ANKRD16: variants seen among roughly 807,000 people sequenced by gnomAD.
ANKRD16 encodes the protein ankyrin repeat domain-containing protein 16.
Under a neutral mutation model 37.9 loss-of-function variants are expected in ANKRD16, and 35 were observed. That is an observed-to-expected ratio of 0.92 (90% CI 0.71 to 1.23). The LOEUF is 1.23. Ranked by LOEUF, ANKRD16 falls within the 50% of genes most tolerant of loss-of-function variation. The pLI, the probability that ANKRD16 is intolerant of heterozygous loss-of-function variation, is 0.00. For missense variants in ANKRD16, 480 were observed against 469.9 expected (o/e 1.02, Z -0.20); for synonymous variants, 206 against 197.2 (o/e 1.04, Z -0.37).
At position 5,880,377 on chromosome 10, in the gene ANKRD16, C is replaced by A; in HGVS notation, c.850-1G>T. The stretch of plus-strand genomic sequence containing the variant: ...TCTGAATTGTACTTGTATGTCCTTC[C>A]TGAATTGAAACAAATTTGTTATCAC... On this transcript the variant is annotated splice_acceptor_variant, in intron 5 of 7. Transcript: ENST00000380094. LOFTEE classifies it high-confidence loss of function. The A allele has an allele frequency of 6.3e-7, 1 of 1,587,950 alleles. No homozygotes were observed. Among genetic ancestry groups the A allele is most frequent in the Admixed American group, 1.8e-5 (1 of 55,262 alleles).
At chr10:5,885,648 T>C in intron 3 of ANKRD16, 75 bp downstream of exon 3, 1 of 1,523,476 alleles carries the variant, frequency 6.6e-7, no homozygotes, top group Non-Finnish European at 9.0e-7. Context: ...GTGTCTGAGC[T>C]CTTTATGTAG....
chr10:5,873,069 G>A (rs1276874608), intron 7 of ANKRD16, among the ~76,000 whole-genome samples: 9 of 136,070 alleles, frequency 6.6e-5, no homozygotes, highest in African/African-American at 2.0e-4. Context: ...TTGCTCTGTC[G>A]CCCAGGCTGG....
rs1201745925 is a variant in ANKRD16 at position 5,889,126 on chromosome 10, C to G, written c.229G>C (p.Glu77Gln). 17 of 1,597,422 alleles carry G rather than the reference C, an allele frequency of 1.1e-5. No individual in the cohort carries two copies. In the East Asian group the frequency reaches 3.8e-4, roughly 36 times the overall value. The change falls in exon 1 of 8, where the codon GAG becomes CAG. Residue 77 changes from glutamate to glutamine, a missense_variant. Glu to Gln is a conservative substitution (Grantham distance 29). Transcript: ENST00000380094. ...TNRDYKRPLHEAASMGHRDCV... is the reference protein window; with the variant it reads ...TNRDYKRPLHQAASMGHRDCV... The stretch of plus-strand genomic sequence containing the variant: ...TCTCGGTGGCCCATGGAGGCCGCCT[C>G]GTGCAGAGGCCGCTTGTAGTCTCGG...
rs569701248 is a variant in ANKRD16, at chr10:5,882,063, G to A, written c.849+943C>T. On this transcript the variant is annotated intron_variant, in intron 5 of 7. Transcript: ENST00000380094. ...TGGGATTACAGGAGTGAGCCACTGC[G>A]CCTGGCCTATAAAATAATTTATACA... Among the ~76,000 whole-genome samples the A allele has an allele frequency of 9.2e-5, 14 of 152,108 alleles. No individual in the cohort carries two copies. The South Asian group carries it at 1.2e-3, about 14-fold the overall frequency.
chr10:5,872,430 G>C (rs1028705046), intron 7 of ANKRD16, among the ~76,000 whole-genome samples: 1 of 152,106 alleles, frequency 6.6e-6, no homozygotes, highest in Admixed American at 6.5e-5. Flanking sequence ...AGTGAGCCGA[G>C]ATTACGCCAC....
rs776224123 is a variant in ANKRD16, at chr10:5,889,169, C to T, written c.186G>A (p.Met62Ile). The change falls in exon 1 of 8, where the codon ATG becomes ATA. Residue 62 changes from methionine to isoleucine, a missense_variant. Coordinates refer to ENST00000380094, the MANE Select transcript of ANKRD16 (RefSeq NM_019046.3). ...AGTCTCGGTTGGTGGCCTCGATGTC[C>T]ATGCCCCAGGCCTCGGCCAGATAGG... ...VLAYLAEAWG[M>I]DIEATNRDYK... is the part of the protein sequence containing the mutation. The T allele has an allele frequency of 1.4e-5, 22 of 1,598,514 alleles. 1 individual carries two copies. Among genetic ancestry groups the T allele is most frequent in the Middle Eastern group, 1.7e-4 (1 of 6,038 alleles).
At chr10:5,876,972 T>C (rs2131765741) in intron 7 of ANKRD16, among the ~76,000 whole-genome samples, 1 of 152,358 alleles carries the variant, frequency 6.6e-6, no homozygotes, top group East Asian at 1.9e-4. Context: ...TTTTTAAAGC[T>C]AAATGTCAAG....
Position 5,869,253 on chromosome 10 carries a change from A to T in ANKRD16, c.*34-6562T>A, listed in dbSNP as rs889995069. 6.6e-6 allele frequency among the ~76,000 whole-genome samples: 1 copy of T among 152,168 alleles called. No individual in the cohort carries two copies. The highest frequency in any genetic ancestry group is 2.4e-5 in the African/African-American group (1 of 41,422). On this transcript the variant is annotated intron_variant, in intron 7 of 7. Transcript: ENST00000380094. This position sits in a 1 kb window ranked among gnomAD's most constrained non-coding sequence, Gnocchi z 4.0. The stretch of plus-strand genomic sequence containing the variant: ...GTGGTGATAGTTTCCTGGGAGCACA[A>T]ATATGTCTGAATTAATCAAACTGTA...
At position 5,878,291 on chromosome 10, in the gene ANKRD16, A is replaced by G; in HGVS notation, c.929-4T>C. ...CCTGCACAGGCCAGATGCAGGGCTG[A>G]GGGGTGACAAAAATCACATGGACTT... On this transcript the variant is annotated splice_polypyrimidine_tract_variant and splice_region_variant and intron_variant, in intron 6 of 7. Coordinates refer to ENST00000380094, the MANE Select transcript of ANKRD16 (RefSeq NM_019046.3). The surrounding 1 kb of genome is among the most constrained non-coding windows in gnomAD (Gnocchi z 5.1). 1.2e-6 allele frequency: 2 copies of G among 1,611,172 alleles called. No homozygotes were observed. Among genetic ancestry groups the G allele is most frequent in the Non-Finnish European group, 8.5e-7 (1 of 1,178,710 alleles).
Position 5,887,849 on chromosome 10 carries a change from G to A in ANKRD16, c.533C>T (p.Ala178Val). Reference sequence around the variant, plus strand: ...ACCTGCAGAGCTGTAGGCTGTACCTGCAGTATGCAGAGGAGTCCTTCTAAT... The same window carrying A: ...ACCTGCAGAGCTGTAGGCTGTACCTACAGTATGCAGAGGAGTCCTTCTAAT... ...SKIRRTPLHT[A>V]AMHGHLEAVK... Residue 178 changes from alanine (A) to valine (V), a missense_variant and splice_region_variant, in exon 2 of 8, where the codon GCA (alanine) becomes GTA (valine). Ala to Val is a moderately conservative substitution (Grantham distance 64). Transcript: ENST00000380094. The A allele has an allele frequency of 2.5e-6, 4 of 1,612,746 alleles. No homozygotes were observed. Among genetic ancestry groups the A allele is most frequent in the Non-Finnish European group, 2.5e-6 (3 of 1,179,668 alleles).
intron 5 of ANKRD16, among the ~76,000 whole-genome samples, chr10:5,880,762 T>C (rs1402610200): frequency 2.0e-5 from 3 of 152,216 alleles, no homozygotes; most frequent in African/African-American, 7.2e-5. Flanking sequence ...TGTAGCTATC[T>C]GCTTAGGAAC....
At chr10:5,872,233 CT>C (rs1842101430) in intron 7 of ANKRD16, among the ~76,000 whole-genome samples, 1 of 152,130 alleles carries the variant, frequency 6.6e-6, no homozygotes, top group Non-Finnish European at 1.5e-5. Context: ...AAACCTAGCA[CT>C]TTGGGAGGCT....
chr10:5,881,474 ATATATAT>A (rs1842314948), intron 5 of ANKRD16, among the ~76,000 whole-genome samples: 1 of 94,270 alleles, frequency 1.1e-5, no homozygotes, highest in Non-Finnish European at 2.2e-5. Context: ...ATATATATAT[ATATATAT>A]TTGAGATGTA....
chr10:5,872,315 C>A, intron 7 of ANKRD16, among the ~76,000 whole-genome samples: 1 of 151,832 alleles, frequency 6.6e-6, no homozygotes, highest in Non-Finnish European at 1.5e-5. Context: ...CCTGTCTCTA[C>A]TAAAAATACA....
In ANKRD16 at chr10:5,878,165, C is replaced by T. The variant is rs1842214335; in HGVS notation, c.1051G>A (p.Val351Ile). ...LAQQLPRRAD[V>I]LQGSGHSAMT ...GCGCTATGGCCAGAGCCCTGAAGGA[C>T]ATCTGCTCTCCTTGGGAGCTGCTGA... Residue 351 changes from valine (V) to isoleucine (I), a missense_variant, in exon 7 of 8, where the codon GTC (valine) becomes ATC (isoleucine). Transcript: ENST00000380094. This position sits in a 1 kb window ranked among gnomAD's most constrained non-coding sequence, Gnocchi z 5.1. 1 of 1,614,176 alleles carries T rather than the reference C, an allele frequency of 6.2e-7. No individual in the cohort carries two copies. The highest frequency in any genetic ancestry group is 8.5e-7 in the Non-Finnish European group (1 of 1,180,012).
chr10:5,880,397 T>C lies in ANKRD16; in HGVS notation c.850-21A>G, dbSNP rs369759752. On this transcript the variant is annotated intron_variant, in intron 5 of 7. Transcript: ENST00000380094. ...CCTTCCTGAATTGAAACAAATTTGT[T>C]ATCACTGTGATGAGGATAAAAGAAA... 2.9e-5 allele frequency: 44 copies of C among 1,515,808 alleles called. No individual in the cohort carries two copies. The African/African-American group carries it at 5.4e-4, about 19-fold the overall frequency. The allele number at this position is 1,515,808 out of a possible 1,614,324, so 93.9% of individuals were successfully genotyped here.
Position 5,871,934 on chromosome 10 carries a change from C to G in ANKRD16, c.*33+6163G>C. On this transcript the variant is annotated intron_variant, in intron 7 of 7. Coordinates refer to ENST00000380094, the MANE Select transcript of ANKRD16 (RefSeq NM_019046.3). This position sits in a 1 kb window ranked among gnomAD's most constrained non-coding sequence, Gnocchi z 4.5. ...GAGTTGCTCAGGCCCCTGTGCAGCCCATATCTCCCACCCACTCGCATGGCC... is the reference window on the plus strand; with the variant it reads ...GAGTTGCTCAGGCCCCTGTGCAGCCGATATCTCCCACCCACTCGCATGGCC... Among the ~76,000 whole-genome samples the G allele has an allele frequency of 6.6e-6, 1 of 152,162 alleles. No individual in the cohort carries two copies.
In ANKRD16 at chr10:5,878,249, C is replaced by A. The variant is rs193233924; in HGVS notation, c.967G>T (p.Ala323Ser). Residue 323 changes from alanine (A) to serine (S), a missense_variant, in exon 7 of 8, where the codon GCC becomes TCC. Physicochemically the swap from Ala to Ser is moderately conservative, Grantham distance 99. Coordinates refer to ENST00000380094, the MANE Select transcript of ANKRD16 (RefSeq NM_019046.3). This position sits in a 1 kb window ranked among gnomAD's most constrained non-coding sequence, Gnocchi z 5.1. The stretch of plus-strand genomic sequence containing the variant: ...AGTCCCGACTGCAGGAGAAACTTGG[C>A]ACAGGCCAAGTGCTGACCTGCACAG... ...LACAGQHLACAKFLLQSGLKD... is the reference protein window; with the variant it reads ...LACAGQHLACSKFLLQSGLKD... The A allele has an allele frequency of 4.3e-6, 7 of 1,614,062 alleles. No homozygotes were observed. Among genetic ancestry groups the A allele is most frequent in the Middle Eastern group, 1.6e-4 (1 of 6,062 alleles).
At chr10:5,883,700 A>C (rs1041969849) in intron 4 of ANKRD16, among the ~76,000 whole-genome samples, 2 of 152,240 alleles carry the variant, frequency 1.3e-5, no homozygotes, top group Non-Finnish European at 2.9e-5. Flanking sequence ...TTATTGCTAT[A>C]AAACAGCTAC....
Sources: gnomAD v4.1 joint callset for allele counts (sites outside exome capture counted in the v4.1 genomes callset) on GRCh38, gnomAD v4.1.1 for gene constraint, Gnocchi (gnomAD v3.1) non-coding constraint, MANE v1.5 for transcripts, NCBI Gene and HGNC (gene_info 2026-07-23, HGNC 2026-07-21) for gene names.